PTPN4: variants seen among roughly 807,000 people sequenced by gnomAD.
PTPN4 encodes tyrosine-protein phosphatase non-receptor type 4.
PTPN4 carries 49 observed loss-of-function variants against 135.5 expected under a neutral mutation model. The ratio of observed to expected loss-of-function variants is 0.36; its 90% CI spans 0.29 to 0.46. The LOEUF is 0.46. Among genes scored for constraint, PTPN4 ranks in the 20% least tolerant of loss-of-function variants. The pLI, the probability that PTPN4 is intolerant of heterozygous loss-of-function variation, is 1.00. For missense variants in PTPN4, 860 were observed against 1,101.0 expected (o/e 0.78, Z 3.10); for synonymous variants, 333 against 369.9 (o/e 0.90, Z 1.14).
intron 2 of PTPN4, among the ~76,000 whole-genome samples, chr2:119,850,802 C>T (rs1457570960): frequency 2.0e-5 from 3 of 152,216 alleles, no homozygotes; most frequent in East Asian, 3.8e-4. Context: ...TGCTCAGGAG[C>T]AGATCCATAG....
At chr2:119,892,630 G>A (rs530795269) in intron 9 of PTPN4, among the ~76,000 whole-genome samples, 2 of 152,270 alleles carry the variant, frequency 1.3e-5, no homozygotes, top group East Asian at 1.9e-4. Context: ...TAAGAGTTTA[G>A]TGTGGCTTGT....
chr2:119,897,408 G>T (rs1370101686), intron 9 of PTPN4, among the ~76,000 whole-genome samples: 2 of 152,084 alleles, frequency 1.3e-5, no homozygotes, highest in South Asian at 2.1e-4. Context: ...ATTCCTACTG[G>T]GTTGGTCATT....
intron 2 of PTPN4, among the ~76,000 whole-genome samples, chr2:119,814,115 C>T (rs559951311): frequency 1.8e-4 from 28 of 151,974 alleles, no homozygotes; most frequent in Non-Finnish European, 3.7e-4. Context: ...ATGTAATTGG[C>T]GTATTCATTT....
intron 18 of PTPN4, 132 bp from the exon 19 acceptor site, chr2:119,951,841 G>T: frequency 1.5e-6 from 1 of 683,724 alleles, no homozygotes. Flanking sequence ...TTTTTAAATA[G>T]ATAATAAATG....
At chr2:119,778,929 A>T (rs1166246098) in intron 1 of PTPN4, among the ~76,000 whole-genome samples, 7 of 152,120 alleles carry the variant, frequency 4.6e-5, no homozygotes, top group Admixed American at 1.3e-4. Context: ...TTGTTGTCGT[A>T]TACCATTTCT....
rs1294205551 is a variant in PTPN4 at position 119,983,382 on chromosome 2, C to T, written c.*6312C>T. ...GTCATCACAGTTGAGCTCATTTTAA[C>T]ATATATTCAAAGAAGCTTTTTAGTT... On this transcript the variant is annotated 3_prime_UTR_variant, in exon 27 of 27. Coordinates refer to ENST00000263708, the MANE Select transcript of PTPN4 (RefSeq NM_002830.4). 1 of 152,160 alleles carries T rather than the reference C, an allele frequency of 6.6e-6. No homozygotes were observed. Among genetic ancestry groups the T allele is most frequent in the Non-Finnish European group, 1.5e-5 (1 of 68,032 alleles). 9.4% of individuals were successfully genotyped at this position (152,160 alleles called of 1,614,324 possible).
intron 2 of PTPN4, among the ~76,000 whole-genome samples, chr2:119,848,669 C>T (rs767377941): frequency 7.2e-5 from 11 of 152,126 alleles, no homozygotes; most frequent in East Asian, 1.9e-4. Context: ...GATGCAATCT[C>T]GGCTCACTGC....
chr2:119,811,668 CTT>C (rs1218968002), intron 2 of PTPN4, among the ~76,000 whole-genome samples: 2 of 152,076 alleles, frequency 1.3e-5, no homozygotes, highest in Admixed American at 1.3e-4. Flanking sequence ...AATTTAATAA[CTT>C]TTGTCTTAGC....
intron 3 of PTPN4, among the ~76,000 whole-genome samples, chr2:119,872,128 G>A (rs1009616999): frequency 1.3e-5 from 2 of 152,014 alleles, no homozygotes; most frequent in African/African-American, 4.8e-5. Context: ...CATTGTTTTT[G>A]TTATTAATTT....
intron 1 of PTPN4, among the ~76,000 whole-genome samples, chr2:119,787,910 A>G (rs1290380832): frequency 6.6e-6 from 1 of 152,174 alleles, no homozygotes; most frequent in African/African-American, 2.4e-5. Flanking sequence ...GCTGGTATTA[A>G]AGACTAGTAT....
chr2:119,812,203 G>C (rs1214232735), intron 2 of PTPN4, among the ~76,000 whole-genome samples: 1 of 152,122 alleles, frequency 6.6e-6, no homozygotes, highest in African/African-American at 2.4e-5. Context: ...ACAACCTGTG[G>C]AGTGGTATGT....
intron 1 of PTPN4, among the ~76,000 whole-genome samples, chr2:119,761,349 A>AT (rs1429508626): frequency 6.6e-6 from 1 of 152,022 alleles, no homozygotes; most frequent in Non-Finnish European, 1.5e-5. Context: ...GAGGAAAAAA[A>AT]TTTTTTTTCA....
At chr2:119,872,792 A>C (rs1388970700) in intron 3 of PTPN4, among the ~76,000 whole-genome samples, 1 of 152,218 alleles carries the variant, frequency 6.6e-6, no homozygotes, top group African/African-American at 2.4e-5. Flanking sequence ...ATAGGCTTCA[A>C]ATAATGAATG....
rs1399802401 is a variant in PTPN4, at chr2:119,948,070, G to T, written c.1656+1496G>T. 3.3e-5 allele frequency among the ~76,000 whole-genome samples: 5 copies of T among 152,116 alleles called. 1 individual carries two copies. Among genetic ancestry groups the T allele is most frequent in the Middle Eastern group, 6.8e-3 (2 of 294 alleles). ...TATTATGTATAAAATGACTCCTGGG[G>T]ACATACTATTAATATGTATGTAAAA... On this transcript the variant is annotated intron_variant, in intron 18 of 26. Coordinates refer to ENST00000263708, the MANE Select transcript of PTPN4 (RefSeq NM_002830.4).
At chr2:119,877,669 G>C in intron 5 of PTPN4, 127 bp downstream of exon 5, 1 of 1,230,126 alleles carries the variant, frequency 8.1e-7, no homozygotes, top group Non-Finnish European at 1.1e-6. Context: ...CACAGAATAA[G>C]TTATGGCTAT....
At chr2:119,926,392 T>C (rs918881896) in intron 12 of PTPN4, among the ~76,000 whole-genome samples, 8 of 152,216 alleles carry the variant, frequency 5.3e-5, no homozygotes, top group African/African-American at 1.9e-4. Context: ...TGAACACATC[T>C]TTCTTCATTA....
intron 1 of PTPN4, among the ~76,000 whole-genome samples, chr2:119,766,458 GTGTGTGTGTGTGTGTGTGTGTGTGTC>G (rs879883362): frequency 0.012 from 1,637 of 135,198 alleles, 24 homozygotes; most frequent in Non-Finnish European, 0.018. Context: ...GCGTGTGTGT[GTGTGTGTGTGTGTGTGTGTGTGTGTC>G]TGTGTGTGTG....
chr2:119,924,254 CT>C (rs201398761), intron 12 of PTPN4, among the ~76,000 whole-genome samples: 1 of 150,678 alleles, frequency 6.6e-6, no homozygotes, highest in Non-Finnish European at 1.5e-5. Context: ...ATCTTTTTTC[CT>C]TTTTTTTAAT....
chr2:119,901,282 A>G (rs368634852), intron 10 of PTPN4, among the ~76,000 whole-genome samples: 22 of 152,214 alleles, frequency 1.4e-4, no homozygotes, highest in African/African-American at 4.1e-4. Context: ...GGATGAAAGA[A>G]TGATTCCTCC....
Sources: gnomAD v4.1 joint callset for allele counts (sites outside exome capture counted in the v4.1 genomes callset) on GRCh38, gnomAD v4.1.1 for gene constraint, MANE v1.5 for transcripts, NCBI Gene and HGNC (gene_info 2026-07-23, HGNC 2026-07-21) for gene names.